The following TMEM131 variants were observed in gnomAD, a reference collection of about 807,000 sequenced individuals.
TMEM131 encodes the protein transmembrane protein 131.
Under a neutral mutation model 211.6 loss-of-function variants are expected in TMEM131, and 66 were observed. The ratio of observed to expected loss-of-function variants is 0.31; its 90% CI spans 0.26 to 0.38. TMEM131 has a LOEUF of 0.38. Ranked by LOEUF, TMEM131 falls within the 10% of genes least tolerant of loss-of-function variation. TMEM131 has a pLI of 1.00. For missense variants in TMEM131, 2,036 were observed against 2,299.3 expected (o/e 0.89, Z 2.34); for synonymous variants, 844 against 841.3 (o/e 1.00, Z -0.06).
At chr2:97,927,247 A>G (rs577139360) in intron 2 of TMEM131, among the ~76,000 whole-genome samples, 179 bp downstream of exon 2, 2 of 152,334 alleles carry the variant, frequency 1.3e-5, no homozygotes, top group African/African-American at 2.4e-5. Flanking sequence ...TATTTAATCT[A>G]AAAGAAAACT....
chr2:97,903,532 T>C (rs1267923431), intron 3 of TMEM131, among the ~76,000 whole-genome samples: 1 of 152,132 alleles, frequency 6.6e-6, no homozygotes, highest in Admixed American at 6.6e-5. Flanking sequence ...AAGACACTTA[T>C]GAATTATAAG....
At chr2:97,859,019 G>A (rs2141863) in intron 5 of TMEM131, among the ~76,000 whole-genome samples, 1 of 152,188 alleles carries the variant, frequency 6.6e-6, no homozygotes, top group Non-Finnish European at 1.5e-5. Flanking sequence ...AACACAATGC[G>A]AAGGAATTAC....
At chr2:97,835,098 C>A (rs1266924881) in intron 8 of TMEM131, among the ~76,000 whole-genome samples, 173 bp from the exon 9 acceptor site, 1 of 152,152 alleles carries the variant, frequency 6.6e-6, no homozygotes, top group Non-Finnish European at 1.5e-5. Flanking sequence ...TTCTGGAGAA[C>A]TTTAAAATGT....
chr2:97,814,054 T>C lies in TMEM131; in HGVS notation c.1534A>G (p.Met512Val), dbSNP rs772134560. ...AGTAAAATGTTGTTATCAATGTGCA[T>C]GGATGATGTGGAAGGCATAAAAAGC... is the stretch of plus-strand genomic sequence containing the variant. ...TLLFMPSTSS[M>V]HIDNNILLIT... The change falls in exon 15 of 41, where the codon ATG becomes GTG. Residue 512 changes from methionine (M) to valine (V), a missense_variant. Around this residue, in one of 3 missense-constraint regions of TMEM131, gnomAD observed 1,623 missense variants for 1,805.9 expected, o/e 0.90. Coordinates refer to ENST00000186436, the MANE Select transcript of TMEM131 (RefSeq NM_015348.2). The C allele has an allele frequency of 1.2e-6, 2 of 1,602,308 alleles. No individual in the cohort carries two copies. The highest frequency in any genetic ancestry group is 8.5e-7 in the Non-Finnish European group (1 of 1,173,408).
chr2:97,794,072 CT>C (rs1172357837), intron 29 of TMEM131, among the ~76,000 whole-genome samples: 2 of 137,486 alleles, frequency 1.5e-5, no homozygotes, highest in South Asian at 5.0e-4. Context: ...CTCTTTCTTT[CT>C]TTTTTTTCCT....
Position 97,802,843 on chromosome 2 carries a change from T to C in TMEM131, c.2403-53A>G. On this transcript the variant is annotated intron_variant, in intron 22 of 40. Transcript: ENST00000186436. ...ATCAAAATGAAATATTTGAGTCTTC[T>C]GAACATAAGAAATTCAATTAGGCTT... 2.1e-6 allele frequency: 3 copies of C among 1,435,260 alleles called. 1 individual carries two copies. The South Asian group carries it at 4.1e-5, about 20-fold the overall frequency. 88.9% of individuals were successfully genotyped at this position (1,435,260 alleles called of 1,614,324 possible).
chr2:97,908,696 G>T lies in TMEM131; in HGVS notation c.252C>A (p.Thr84=), dbSNP rs61737619. The change falls in exon 3 of 41, where the codon ACC becomes ACA. Residue 84 remains threonine (T), a splice_region_variant and synonymous_variant. Coordinates refer to ENST00000186436, the MANE Select transcript of TMEM131 (RefSeq NM_015348.2). ...ATGAACTGAGTCCAAGTGTTGTCTCGGTCTGTAAAAGGAATAAAATAATGA... is the reference window on the plus strand; with the variant it reads ...ATGAACTGAGTCCAAGTGTTGTCTCTGTCTGTAAAAGGAATAAAATAATGA... ...LRFDDGGLLQ[T]ETTLGLSSYQ... The T allele has an allele frequency of 1.3e-6, 2 of 1,598,224 alleles. No individual in the cohort carries two copies. The highest frequency in any genetic ancestry group is 1.7e-6 in the Non-Finnish European group (2 of 1,169,760).
intron 2 of TMEM131, among the ~76,000 whole-genome samples, chr2:97,912,892 A>C (rs1262440917): frequency 6.6e-6 from 1 of 152,202 alleles, no homozygotes; most frequent in Non-Finnish European, 1.5e-5. Flanking sequence ...AATCAAATAG[A>C]CCAGCCTCGG....
chr2:97,927,173 TAAG>T (rs1243709996), intron 2 of TMEM131, among the ~76,000 whole-genome samples: 1 of 152,162 alleles, frequency 6.6e-6, no homozygotes, highest in African/African-American at 2.4e-5. Flanking sequence ...TACGTAAAGA[TAAG>T]AATGATAATG....
At chr2:97,881,207 C>G (rs1273414614) in intron 4 of TMEM131, among the ~76,000 whole-genome samples, 1 of 151,770 alleles carries the variant, frequency 6.6e-6, no homozygotes, top group African/African-American at 2.4e-5. Flanking sequence ...CAGACAGTAT[C>G]TGGCATAGAA....
At chr2:97,942,929 C>A (rs1464176188) in intron 1 of TMEM131, among the ~76,000 whole-genome samples, 2 of 148,316 alleles carry the variant, frequency 1.3e-5, no homozygotes, top group Non-Finnish European at 3.0e-5. Context: ...CAACACCAGC[C>A]TGGGCAACAT....
At chr2:97,920,674 A>G (rs2104416696) in intron 2 of TMEM131, among the ~76,000 whole-genome samples, 1 of 152,306 alleles carries the variant, frequency 6.6e-6, no homozygotes, top group Middle Eastern at 3.4e-3. Flanking sequence ...ACTTTTATAG[A>G]TCAATAAAGG....
intron 40 of TMEM131, 35 bp from the exon 41 acceptor site, chr2:97,757,418 C>T (rs747312771): frequency 1.8e-4 from 275 of 1,538,456 alleles, no homozygotes; most frequent in Non-Finnish European, 2.2e-4. Flanking sequence ...GCACTGAGCC[C>T]GGCAGGCAGA....
At chr2:97,806,249 T>C (rs980101152) in intron 19 of TMEM131, among the ~76,000 whole-genome samples, 1 of 152,176 alleles carries the variant, frequency 6.6e-6, no homozygotes, top group African/African-American at 2.4e-5. Flanking sequence ...ATTAAAACAG[T>C]ACACAAGCTG....
intron 36 of TMEM131, 105 bp downstream of exon 36, chr2:97,761,930 A>C (rs1573315486): frequency 7.6e-7 from 1 of 1,308,430 alleles, no homozygotes; most frequent in East Asian, 2.7e-5. Context: ...CAGAAGTAAC[A>C]CCAGACAGTG....
At chr2:97,828,451 C>A (rs1682503542) in intron 11 of TMEM131, among the ~76,000 whole-genome samples, 2 of 152,280 alleles carry the variant, frequency 1.3e-5, no homozygotes, top group South Asian at 4.1e-4. Flanking sequence ...CAGGGCCATA[C>A]AACTAACACC....
chr2:97,993,989 CA>C (rs1680374466), intron 1 of TMEM131, among the ~76,000 whole-genome samples: 1 of 152,216 alleles, frequency 6.6e-6, no homozygotes, highest in Non-Finnish European at 1.5e-5. Context: ...GTCATTCACT[CA>C]AAGGCTAAGC....
At chr2:97,846,431 A>C (rs1683433407) in intron 5 of TMEM131, among the ~76,000 whole-genome samples, 1 of 152,234 alleles carries the variant, frequency 6.6e-6, no homozygotes, top group Non-Finnish European at 1.5e-5. Context: ...CAGACTAAAG[A>C]AAAAGCACAA....
At chr2:97,967,516 GA>G (rs756834790) in intron 1 of TMEM131, among the ~76,000 whole-genome samples, 2,881 of 141,808 alleles carry the variant, frequency 0.02, 29 homozygotes, top group African/African-American at 0.025. Flanking sequence ...AAAGGAAAGA[GA>G]AAAAAAAAAG....
Sources: gnomAD v4.1 joint callset for allele counts (sites outside exome capture counted in the v4.1 genomes callset) on GRCh38, gnomAD v4.1.1 for gene constraint, gnomAD v4.1.1 regional missense constraint, MANE v1.5 for transcripts, NCBI Gene and HGNC (gene_info 2026-07-23, HGNC 2026-07-21) for gene names.